The following MKLN1 variants were observed in gnomAD, a reference collection of about 807,000 sequenced individuals.
MKLN1 encodes muskelin 1.
Under a neutral mutation model 99.0 loss-of-function variants are expected in MKLN1, and 18 were observed. The ratio of observed to expected loss-of-function variants is 0.18; its 90% CI spans 0.13 to 0.27. MKLN1 has a LOEUF of 0.27. MKLN1 is among the 10% of genes least tolerant of loss of function. MKLN1 has a pLI of 1.00. For synonymous variants in MKLN1, 288 were observed against 293.2 expected (o/e 0.98, Z 0.18); for missense variants, 621 against 875.9 (o/e 0.71, Z 3.67).
chr7:131,464,496 T>G lies in MKLN1; in HGVS notation c.1788+88T>G, dbSNP rs1369705379. 4.1e-6 allele frequency: 3 copies of G among 736,294 alleles called. No homozygotes were observed. In the African/African-American group the frequency reaches 5.2e-5, roughly 13 times the overall value. 45.6% of individuals were successfully genotyped at this position (736,294 alleles called of 1,614,324 possible). On this transcript the variant is annotated intron_variant, in intron 14 of 17. Coordinates refer to ENST00000352689, the MANE Select transcript of MKLN1 (RefSeq NM_013255.5). Reference sequence around the variant, plus strand: ...ATATCTTTGATTGTTTTAAATTGGATTTGAGTAAAAAGTTAAAATACATAG... The same window carrying G: ...ATATCTTTGATTGTTTTAAATTGGAGTTGAGTAAAAAGTTAAAATACATAG...
chr7:131,471,258 T>C (rs1429095911), intron 16 of MKLN1: 1 of 208,268 alleles, frequency 4.8e-6, no homozygotes, highest in East Asian at 1.5e-4. Flanking sequence ...ATTATTTTAC[T>C]TAAGGATTAC....
intron 17 of MKLN1, among the ~76,000 whole-genome samples, chr7:131,480,296 A>AT (rs780247069): frequency 6.6e-6 from 1 of 152,202 alleles, no homozygotes; most frequent in Non-Finnish European, 1.5e-5. Context: ...TATAAATACT[A>AT]TTTTTTATGT....
chr7:131,356,245 C>G (rs1376012339), intron 1 of MKLN1, among the ~76,000 whole-genome samples: 1 of 152,000 alleles, frequency 6.6e-6, no homozygotes, highest in East Asian at 1.9e-4. Context: ...TATTGAGAAG[C>G]TGCTGATGAG....
At chr7:131,175,080 G>C (rs1442575388) in intron 2 of MKLN1, among the ~76,000 whole-genome samples, 1 of 145,752 alleles carries the variant, frequency 6.9e-6, no homozygotes, top group Non-Finnish European at 1.5e-5. Flanking sequence ...GGATGGATGG[G>C]GAGACAGAGA....
chr7:131,294,963 G>A (rs1184929053), intron 3 of MKLN1, among the ~76,000 whole-genome samples: 1 of 152,140 alleles, frequency 6.6e-6, no homozygotes, highest in East Asian at 1.9e-4. Flanking sequence ...GACGACGGGA[G>A]GATGGGGTCC....
At chr7:131,204,209 A>G (rs1362352628) in intron 3 of MKLN1, among the ~76,000 whole-genome samples, 1 of 152,232 alleles carries the variant, frequency 6.6e-6, no homozygotes, top group East Asian at 1.9e-4. Context: ...AGTCTGGGTT[A>G]GCAGGCTCAG....
chr7:131,272,852 C>G (rs895259563), intron 3 of MKLN1, among the ~76,000 whole-genome samples: 1 of 152,150 alleles, frequency 6.6e-6, no homozygotes, highest in African/African-American at 2.4e-5. Flanking sequence ...TACCCCTCCC[C>G]GGGTCCCTCC....
At chr7:131,146,223 T>A (rs1356090286) in intron 2 of MKLN1, among the ~76,000 whole-genome samples, 1 of 152,136 alleles carries the variant, frequency 6.6e-6, no homozygotes, top group Non-Finnish European at 1.5e-5. Flanking sequence ...ACGCTTATAG[T>A]CCCAGATACT....
intron 2 of MKLN1, among the ~76,000 whole-genome samples, chr7:131,182,686 T>A: frequency 6.6e-6 from 1 of 152,152 alleles, no homozygotes. Flanking sequence ...GAGTCTGTTT[T>A]ATAGTGTCAC....
chr7:131,161,517 G>A (rs1796047537), intron 2 of MKLN1, among the ~76,000 whole-genome samples: 1 of 152,170 alleles, frequency 6.6e-6, no homozygotes, highest in South Asian at 2.1e-4. Context: ...CTCTGCTATT[G>A]CTGCTGTTTA....
intron 2 of MKLN1, among the ~76,000 whole-genome samples, chr7:131,199,443 A>G (rs1018387412): frequency 2.0e-5 from 3 of 152,164 alleles, no homozygotes; most frequent in Non-Finnish European, 4.4e-5. Context: ...TTGTAGAGAT[A>G]GGTTCTCATT....
chr7:131,120,572 A>G (rs1411918703), intron 1 of MKLN1, among the ~76,000 whole-genome samples: 2 of 151,960 alleles, frequency 1.3e-5, no homozygotes, highest in South Asian at 2.1e-4. Flanking sequence ...AAAAGAAAAA[A>G]GAAAAGAAAA....
chr7:131,483,578 C>A (rs1176987407), intron 17 of MKLN1, among the ~76,000 whole-genome samples: 1 of 152,158 alleles, frequency 6.6e-6, no homozygotes, highest in African/African-American at 2.4e-5. Flanking sequence ...TAACTCATAC[C>A]TGAACCAAGC....
chr7:131,414,948 A>G (rs1158779286), intron 8 of MKLN1, among the ~76,000 whole-genome samples: 5 of 152,124 alleles, frequency 3.3e-5, no homozygotes, highest in Non-Finnish European at 2.9e-5. Context: ...TTTTTGTTGC[A>G]CTTATATAGT....
intron 1 of MKLN1, among the ~76,000 whole-genome samples, chr7:131,142,533 A>C (rs1216054153): frequency 2.0e-5 from 3 of 152,008 alleles, no homozygotes; most frequent in Non-Finnish European, 4.4e-5. Context: ...CAGGAGATCG[A>C]GATCATCCTG....
At chr7:131,446,251 C>T (rs943202032) in intron 12 of MKLN1, among the ~76,000 whole-genome samples, 4 of 152,028 alleles carry the variant, frequency 2.6e-5, no homozygotes, top group African/African-American at 7.3e-5. Flanking sequence ...ATATTAGGCA[C>T]TAGCATAGTA....
chr7:131,251,842 G>A (rs1240404345), intron 3 of MKLN1, among the ~76,000 whole-genome samples: 2 of 151,744 alleles, frequency 1.3e-5, no homozygotes, highest in Non-Finnish European at 2.9e-5. Flanking sequence ...AGAAATTCTT[G>A]TATTTTTTGT....
intron 2 of MKLN1, among the ~76,000 whole-genome samples, chr7:131,144,591 C>T (rs990440944): frequency 1.3e-5 from 2 of 152,108 alleles, no homozygotes; most frequent in Non-Finnish European, 2.9e-5. Context: ...AAGCAATCCT[C>T]CTGCCTCAAC....
chr7:131,259,659 A>C (rs562957496), intron 3 of MKLN1, among the ~76,000 whole-genome samples: 46 of 152,266 alleles, frequency 3.0e-4, no homozygotes, highest in East Asian at 2.5e-3. Flanking sequence ...TTTGTCCCCC[A>C]AATGGTTTTT....
Sources: gnomAD v4.1 joint callset for allele counts (sites outside exome capture counted in the v4.1 genomes callset) on GRCh38, gnomAD v4.1.1 for gene constraint, MANE v1.5 for transcripts, NCBI Gene and HGNC (gene_info 2026-07-23, HGNC 2026-07-21) for gene names.